The following RPL27 variants were observed in gnomAD, a reference collection of about 807,000 sequenced individuals.
RPL27 encodes ribosomal protein L27.
For synonymous variants in RPL27, 77 were observed against 61.0 expected, an observed-to-expected ratio of 1.26 and a Z score of -1.22; for missense variants, 131 against 174.3, an observed-to-expected ratio of 0.75 and a Z score of 1.40.
intron 3 of RPL27, among the ~76,000 whole-genome samples, chr17:43,001,160 G>T (rs572973891): frequency 6.6e-6 from 1 of 151,650 alleles, no homozygotes; most frequent in African/African-American, 2.4e-5. Flanking sequence ...TGGCTAACAC[G>T]GTGAACCTGG....
chr17:43,002,872 A>G lies in RPL27; in HGVS notation c.363A>G (p.Arg121=). 1 of 1,613,694 alleles carries G rather than the reference A, an allele frequency of 6.2e-7. No homozygotes were observed. Among genetic ancestry groups the G allele is most frequent in the South Asian group, 1.1e-5 (1 of 91,070 alleles). The stretch of plus-strand genomic sequence containing the variant: ...GGTGTCCTCTTTTTTTCCCTTCTAG[A>G]TACAAGACAGGCAAGAACAAGTGGT... ...RREAKVKFEE[R]YKTGKNKWFF... The change falls in exon 5 of 5, where the codon AGA becomes AGG. Residue 121 remains arginine, a splice_region_variant and synonymous_variant. Transcript: ENST00000253788.
intron 2 of RPL27, chr17:42,999,574 T>G (rs1391600490): frequency 5.0e-6 from 1 of 200,084 alleles, no homozygotes; most frequent in Non-Finnish European, 1.0e-5. Flanking sequence ...GAGACTGATC[T>G]CTGGAGTTAG....
chr17:43,000,507 G>A (rs1344043605), intron 3 of RPL27, among the ~76,000 whole-genome samples: 3 of 145,182 alleles, frequency 2.1e-5, no homozygotes, highest in Non-Finnish European at 4.5e-5. Context: ...AGACGGAGTC[G>A]CCCAGGTTGG....
chr17:43,001,167 C>G (rs2050357782), intron 3 of RPL27, among the ~76,000 whole-genome samples: 1 of 150,246 alleles, frequency 6.7e-6, no homozygotes, highest in Admixed American at 6.7e-5. Context: ...CACGGTGAAC[C>G]TGGGAGGTGG....
Position 43,002,911 on chromosome 17 carries a change from G to A in RPL27, c.402G>A (p.Leu134=), listed in dbSNP as rs1804329. 2 of 1,613,386 alleles carry A rather than the reference G, an allele frequency of 1.2e-6. No homozygotes were observed. The highest frequency in any genetic ancestry group is 1.7e-5 in the Admixed American group (1 of 59,992). Residue 134 remains leucine, a synonymous_variant, in exon 5 of 5, where the codon CTG becomes CTA. Transcript: ENST00000253788. ...AGAACAAGTGGTTCTTCCAGAAACTGCGGTTTTAGATGCTTTGTTTTGATC... is the reference window on the plus strand; with the variant it reads ...AGAACAAGTGGTTCTTCCAGAAACTACGGTTTTAGATGCTTTGTTTTGATC... The part of the protein sequence containing the change: ...TGKNKWFFQK[L]RF
intron 2 of RPL27, 171 bp downstream of exon 2, chr17:42,999,002 T>A: frequency 1.7e-6 from 1 of 580,476 alleles, no homozygotes; most frequent in Non-Finnish European, 3.1e-6. Flanking sequence ...AAAGCAAATG[T>A]GAGCTGAATT....
intron 3 of RPL27, among the ~76,000 whole-genome samples, chr17:43,000,973 C>T (rs1245463675): frequency 6.6e-6 from 1 of 151,798 alleles, no homozygotes. Flanking sequence ...CGCTTGAACC[C>T]GGGAGGTGGA....
At chr17:42,999,083 G>A (rs2050331646) in intron 2 of RPL27, 1 of 463,440 alleles carries the variant, frequency 2.2e-6, no homozygotes, top group Non-Finnish European at 3.9e-6. Context: ...GACATTGCAC[G>A]CTTGCTATGT....
chr17:43,000,093 T>A lies in RPL27; in HGVS notation c.242T>A (p.Met81Lys). Residue 81 changes from methionine (M) to lysine (K), a missense_variant, in exon 3 of 5, where the codon ATG (methionine) becomes AAG (lysine). Physicochemically the swap from Met to Lys is moderately conservative, Grantham distance 95. Coordinates refer to ENST00000253788, the MANE Select transcript of RPL27 (RefSeq NM_000988.5). ...AAAGTGTATAACTACAATCACCTAA[T>A]GCCCACAAGGTGAGCATTTCAAGAA... is the stretch of plus-strand genomic sequence containing the variant. The part of the protein sequence containing the change: ...FVKVYNYNHL[M>K]PTRYSVDIPL... 6.2e-7 allele frequency: 1 copy of A among 1,611,584 alleles called. No homozygotes were observed. The highest frequency in any genetic ancestry group is 8.5e-7 in the Non-Finnish European group (1 of 1,178,512).
At chr17:43,001,961 G>A (rs1251108345) in intron 3 of RPL27, among the ~76,000 whole-genome samples, 1 of 151,064 alleles carries the variant, frequency 6.6e-6, no homozygotes, top group African/African-American at 2.5e-5. Context: ...CATGGTGGCA[G>A]GCGCCTGTAG....
At chr17:42,998,524 G>C in intron 1 of RPL27, 53 bp downstream of exon 1, 1 of 442,092 alleles carries the variant, frequency 2.3e-6, no homozygotes, top group East Asian at 4.4e-5. Context: ...CGCGGCTTGG[G>C]GGTCGAAGGT....
At position 42,998,756 on chromosome 17, in the gene RPL27, C is replaced by T; in HGVS notation, c.6C>T (p.Gly2=). 1 of 1,613,494 alleles carries T rather than the reference C, an allele frequency of 6.2e-7. No individual in the cohort carries two copies. Among genetic ancestry groups the T allele is most frequent in the Non-Finnish European group, 8.5e-7 (1 of 1,179,544 alleles). M[G]KFMKPGKVVL... ...TCTCCTTGCTCTCTGCAGAAATGGG[C>T]AAGTTCATGAAACCTGGGAAGGTGG... The change falls in exon 2 of 5, where the codon GGC becomes GGT. Residue 2 remains glycine, a synonymous_variant. Coordinates refer to ENST00000253788, the MANE Select transcript of RPL27 (RefSeq NM_000988.5).
upstream of RPL27, chr17:42,998,375 G>T (rs1476428036): frequency 5.5e-6 from 1 of 182,668 alleles, no homozygotes; most frequent in Non-Finnish European, 1.2e-5. Context: ...AAGCCTGAAG[G>T]GCGGGACAGG....
At chr17:43,002,302 A>G (rs972403586) in intron 3 of RPL27, among the ~76,000 whole-genome samples, 22 of 151,150 alleles carry the variant, frequency 1.5e-4, no homozygotes, top group South Asian at 2.1e-4. Context: ...TCAGGAGATC[A>G]AGACCGTCCT....
chr17:43,002,626 C>T lies in RPL27; in HGVS notation c.252-47C>T, dbSNP rs746852231. 3.4e-6 allele frequency: 4 copies of T among 1,170,642 alleles called. No homozygotes were observed. In the Admixed American group the frequency reaches 5.1e-5, roughly 15 times the overall value. 72.5% of individuals were successfully genotyped at this position (1,170,642 alleles called of 1,614,324 possible). On this transcript the variant is annotated intron_variant, in intron 3 of 4. Coordinates refer to ENST00000253788, the MANE Select transcript of RPL27 (RefSeq NM_000988.5). ...CACAAGGATTTGGGCTGTATAGGGG[C>T]CCCGGCAGTATGTGGGCTAATCCTG... is the stretch of plus-strand genomic sequence containing the variant.
At chr17:43,002,462 A>G (rs1253272885) in intron 3 of RPL27, among the ~76,000 whole-genome samples, 3 of 152,086 alleles carry the variant, frequency 2.0e-5, no homozygotes, top group Non-Finnish European at 4.4e-5. Flanking sequence ...AGCTGAGATC[A>G]CACCACTGCA....
chr17:43,000,130 A>G, intron 3 of RPL27, 28 bp downstream of exon 3: 2 of 1,564,006 alleles, frequency 1.3e-6, no homozygotes, highest in Non-Finnish European at 1.8e-6. Flanking sequence ...TAGAATTTAA[A>G]TTTCTTCTCC....
chr17:43,002,103 G>C (rs2050369073), intron 3 of RPL27, among the ~76,000 whole-genome samples: 1 of 151,702 alleles, frequency 6.6e-6, no homozygotes, highest in South Asian at 2.1e-4. Flanking sequence ...AAAAGTGGGG[G>C]AGGGCCTCAT....
chr17:43,002,547 A>G (rs558268132), intron 3 of RPL27, 126 bp from the exon 4 acceptor site: 2 of 668,742 alleles, frequency 3.0e-6, no homozygotes, highest in East Asian at 2.5e-5. Context: ...TGTCATCGGG[A>G]CATGGCTTTT....
Sources: gnomAD v4.1 joint callset for allele counts (sites outside exome capture counted in the v4.1 genomes callset) on GRCh38, gnomAD v4.1.1 for gene constraint, MANE v1.5 for transcripts, NCBI Gene and HGNC (gene_info 2026-07-23, HGNC 2026-07-21) for gene names.